GSTCD: variants seen among roughly 807,000 people sequenced by gnomAD.
GSTCD encodes the protein glutathione S-transferase C-terminal domain-containing protein.
Under a neutral mutation model 68.3 loss-of-function variants are expected in GSTCD, and 44 were observed. The ratio of observed to expected loss-of-function variants is 0.64; its 90% CI spans 0.51 to 0.83. GSTCD has a LOEUF of 0.83. Among genes scored for constraint, GSTCD ranks in the 40% least tolerant of loss-of-function variants. The pLI is 0.00. For synonymous variants in GSTCD, 273 were observed against 255.2 expected, an observed-to-expected ratio of 1.07 and a Z score of -0.67; for missense variants, 739 against 735.9, an observed-to-expected ratio of 1.00 and a Z score of -0.05.
intron 10 of GSTCD, 38 bp from the exon 11 acceptor site, chr4:105,842,027 A>G: frequency 6.6e-7 from 1 of 1,514,898 alleles, no homozygotes; most frequent in Non-Finnish European, 9.2e-7. Flanking sequence ...GAAGCAGAAG[A>G]TAAAAATAAA....
At chr4:105,746,969 A>C (rs1478899165) in intron 5 of GSTCD, among the ~76,000 whole-genome samples, 2 of 152,216 alleles carry the variant, frequency 1.3e-5, no homozygotes, top group Non-Finnish European at 2.9e-5. Context: ...TTCTCCCAGC[A>C]GAAGTGATTT....
intron 1 of GSTCD, among the ~76,000 whole-genome samples, chr4:105,714,044 G>A (rs909233114): frequency 9.3e-4 from 140 of 150,772 alleles, no homozygotes; most frequent in African/African-American, 3.3e-3. Context: ...AACCAGATCT[G>A]AATGCCTAAA....
chr4:105,782,586 G>T (rs192897738), intron 5 of GSTCD, among the ~76,000 whole-genome samples: 17 of 151,536 alleles, frequency 1.1e-4, no homozygotes, highest in Admixed American at 9.9e-4. Flanking sequence ...ATGATTACTT[G>T]AGAATCCTTT....
intron 5 of GSTCD, among the ~76,000 whole-genome samples, chr4:105,790,569 A>G (rs1409537911): frequency 6.6e-6 from 1 of 151,736 alleles, no homozygotes; most frequent in Non-Finnish European, 1.5e-5. Flanking sequence ...TTAGCCTGGG[A>G]GTTTGAGGCT....
intron 4 of GSTCD, among the ~76,000 whole-genome samples, chr4:105,728,878 G>A (rs1733132651): frequency 1.3e-5 from 2 of 151,938 alleles, no homozygotes; most frequent in South Asian, 4.2e-4. Context: ...GAAAATATTG[G>A]GAACCATTTG....
At chr4:105,791,624 C>G (rs188507962) in intron 5 of GSTCD, among the ~76,000 whole-genome samples, 30 of 152,126 alleles carry the variant, frequency 2.0e-4, no homozygotes, top group Non-Finnish European at 3.5e-4. Flanking sequence ...TATTTCATAG[C>G]AATTATACAT....
intron 5 of GSTCD, among the ~76,000 whole-genome samples, chr4:105,730,538 T>C (rs1733199331): frequency 6.6e-6 from 1 of 152,242 alleles, no homozygotes; most frequent in Non-Finnish European, 1.5e-5. Context: ...CATAAATGTC[T>C]TCTTTTGAGA....
intron 5 of GSTCD, among the ~76,000 whole-genome samples, chr4:105,782,326 C>T: frequency 6.6e-6 from 1 of 152,016 alleles, no homozygotes; most frequent in East Asian, 1.9e-4. Flanking sequence ...AGCAAGATCT[C>T]ATTTCTACAA....
intron 5 of GSTCD, among the ~76,000 whole-genome samples, chr4:105,776,957 AT>A (rs1735091385): frequency 6.6e-6 from 1 of 152,140 alleles, no homozygotes; most frequent in Non-Finnish European, 1.5e-5. Flanking sequence ...ACTACCTGCC[AT>A]TCTCCATTCT....
At chr4:105,797,046 ATGTGTGTGTGTGTG>A (rs201988913) in intron 5 of GSTCD, among the ~76,000 whole-genome samples, 1 of 145,518 alleles carries the variant, frequency 6.9e-6, no homozygotes, top group Non-Finnish European at 1.5e-5. Context: ...ACAGAGATAC[ATGTGTGTGTGTGTG>A]TGTGTGTGTG....
intron 5 of GSTCD, among the ~76,000 whole-genome samples, chr4:105,754,887 C>G (rs1480423489): frequency 6.6e-6 from 1 of 151,466 alleles, no homozygotes; most frequent in Non-Finnish European, 1.5e-5. Context: ...GGAGAGAAAA[C>G]TTAGCTGTAA....
intron 5 of GSTCD, among the ~76,000 whole-genome samples, chr4:105,744,479 T>C (rs1733736709): frequency 6.6e-6 from 1 of 152,220 alleles, no homozygotes; most frequent in South Asian, 2.1e-4. Context: ...TAGTTGCCAC[T>C]CTTCTGTAAG....
rs1391106443 is a variant in GSTCD at position 105,786,046 on chromosome 4, TTAACTC to T, written c.1241-36904_1241-36899del. ...CCTTACATTACATCATACTCATAAT[TTAACTC>T]TAAATGGATCAAAGATATAAAGTAA... On this transcript the variant is annotated intron_variant, in intron 5 of 11. Transcript: ENST00000515279. Among the ~76,000 whole-genome samples, 5 of 152,298 alleles carry T rather than the reference TTAACTC, an allele frequency of 3.3e-5. No homozygotes were observed. The East Asian group carries it at 5.8e-4, about 18-fold the overall frequency.
chr4:105,812,199 T>G (rs143246824), intron 5 of GSTCD, among the ~76,000 whole-genome samples: 90 of 152,312 alleles, frequency 5.9e-4, no homozygotes, highest in African/African-American at 2.2e-3. Context: ...TCCAGAATCT[T>G]TGGTTCTGAG....
In GSTCD at chr4:105,825,787, T is replaced by A. The variant is rs1428924486; in HGVS notation, c.1517T>A (p.Met506Lys). The change falls in exon 8 of 12, where the codon ATG (methionine) becomes AAG (lysine). Residue 506 changes from methionine (M) to lysine (K), a missense_variant. Coordinates refer to ENST00000515279, the MANE Select transcript of GSTCD (RefSeq NM_001370181.1). ...IQANMEYFTG[M>K]FNIGVALHAC... Reference sequence around the variant, plus strand: ...GCAAATATGGAATATTTTACTGGGATGTTTAATATTGGAGTAAGTAATCAA... The same window carrying A: ...GCAAATATGGAATATTTTACTGGGAAGTTTAATATTGGAGTAAGTAATCAA... 4 of 1,541,808 alleles carry A rather than the reference T, an allele frequency of 2.6e-6. No individual in the cohort carries two copies. Among genetic ancestry groups the A allele is most frequent in the Non-Finnish European group, 3.6e-6 (4 of 1,118,270 alleles).
intron 5 of GSTCD, among the ~76,000 whole-genome samples, chr4:105,776,640 G>A (rs1280272184): frequency 6.6e-6 from 1 of 152,120 alleles, no homozygotes; most frequent in East Asian, 1.9e-4. Flanking sequence ...GCCCCACCCT[G>A]CTTCAACTCA....
chr4:105,780,992 C>G (rs1560825776), intron 5 of GSTCD, among the ~76,000 whole-genome samples: 1 of 152,128 alleles, frequency 6.6e-6, no homozygotes, highest in Non-Finnish European at 1.5e-5. Flanking sequence ...ATCCTAGCTA[C>G]TTAATCTCAA....
intron 5 of GSTCD, among the ~76,000 whole-genome samples, chr4:105,769,298 G>A (rs1734748889): frequency 6.7e-6 from 1 of 150,294 alleles, no homozygotes; most frequent in Admixed American, 6.6e-5. Flanking sequence ...CTGCCAAGAG[G>A]ATAAAGCCAT....
chr4:105,723,529 G>A (rs1732937387), intron 3 of GSTCD, among the ~76,000 whole-genome samples: 1 of 151,738 alleles, frequency 6.6e-6, no homozygotes, highest in African/African-American at 2.4e-5. Context: ...AAGTATAGGA[G>A]AGGATGTGTA....
Sources: gnomAD v4.1 joint callset for allele counts (sites outside exome capture counted in the v4.1 genomes callset) on GRCh38, gnomAD v4.1.1 for gene constraint, MANE v1.5 for transcripts, NCBI Gene and HGNC (gene_info 2026-07-23, HGNC 2026-07-21) for gene names.